Variants in PCDH11X observed in about 807,000 individuals in gnomAD.
PCDH11X encodes the protein protocadherin 11 X-linked.
In PCDH11X, 18 loss-of-function variants were observed where a neutral mutation model predicts 53.3. The ratio of observed to expected loss-of-function variants is 0.34; its 90% CI spans 0.23 to 0.50. PCDH11X has a LOEUF of 0.50. Among genes scored for constraint, PCDH11X ranks in the 20% least tolerant of loss-of-function variants. The probability of loss-of-function intolerance (pLI) is 0.98; values close to 1 mark genes in which losing one functional copy is unlikely to be tolerated. For missense variants in PCDH11X, 570 were observed against 1,032.4 expected, an observed-to-expected ratio of 0.55 and a Z score of 6.14; for synonymous variants, 279 against 393.3, an observed-to-expected ratio of 0.71 and a Z score of 3.44.
intron 8 of PCDH11X, among the ~76,000 whole-genome samples, chrX:92,301,079 A>G (rs2068711475): frequency 9.0e-6 from 1 of 110,744 alleles, no homozygotes; most frequent in South Asian, 3.8e-4. Flanking sequence ...CTTGCTGGCA[A>G]AGAGACATAA....
intron 7 of PCDH11X, among the ~76,000 whole-genome samples, chrX:92,203,400 T>A (rs1318684034): frequency 8.9e-6 from 1 of 112,679 alleles, no homozygotes; most frequent in African/African-American, 3.2e-5. Flanking sequence ...AGTTTCAGAA[T>A]TGATTCATGC....
intron 6 of PCDH11X, among the ~76,000 whole-genome samples, chrX:92,138,716 A>C (rs2065124908): frequency 9.0e-6 from 1 of 111,346 alleles, no homozygotes; most frequent in African/African-American, 3.2e-5. Context: ...ATATAGTCAT[A>C]ATGTACAATG....
intron 10 of PCDH11X, among the ~76,000 whole-genome samples, chrX:92,506,860 T>C (rs1340037049): frequency 9.1e-6 from 1 of 110,424 alleles, no homozygotes; most frequent in African/African-American, 3.3e-5. Flanking sequence ...TTCTGTTTGT[T>C]AGGCTTTTCA....
intron 7 of PCDH11X, among the ~76,000 whole-genome samples, chrX:92,240,594 A>G (rs997670164): frequency 2.7e-4 from 30 of 111,976 alleles, no homozygotes; most frequent in African/African-American, 9.1e-4. Flanking sequence ...GCCTGAAACA[A>G]CACACTATCT....
chrX:92,585,510 T>C (rs185113490), intron 10 of PCDH11X, among the ~76,000 whole-genome samples: 25 of 108,398 alleles, frequency 2.3e-4, no homozygotes, highest in African/African-American at 8.1e-4. Flanking sequence ...TAGCTGGGAC[T>C]ACAGTGCCCA....
chrX:92,164,482 A>T (rs1485150343), intron 6 of PCDH11X, among the ~76,000 whole-genome samples: 1 of 112,251 alleles, frequency 8.9e-6, no homozygotes, highest in Non-Finnish European at 1.9e-5. Context: ...GTATGGCAGG[A>T]ATAACATGTA....
intron 6 of PCDH11X, among the ~76,000 whole-genome samples, chrX:92,002,970 A>G (rs1474664458): frequency 5.4e-5 from 5 of 93,413 alleles, no homozygotes; most frequent in African/African-American, 1.9e-4. Flanking sequence ...CATGTTCCAG[A>G]TGTTAGAGGA....
At chrX:92,167,175 G>C (rs1397835117) in intron 6 of PCDH11X, among the ~76,000 whole-genome samples, 2 of 110,335 alleles carry the variant, frequency 1.8e-5, no homozygotes, top group Non-Finnish European at 3.8e-5. Context: ...AATCTTTAAA[G>C]TATATTTTTA....
intron 6 of PCDH11X, among the ~76,000 whole-genome samples, chrX:92,011,258 A>G (rs1295801205): frequency 6.3e-5 from 7 of 111,812 alleles, no homozygotes; most frequent in South Asian, 7.5e-4. Context: ...GGATTGCTGG[A>G]TTGAATGGTA....
At chrX:92,361,458 C>T (rs753273949) in intron 8 of PCDH11X, among the ~76,000 whole-genome samples, 11 of 111,508 alleles carry the variant, frequency 9.9e-5, no homozygotes, top group Admixed American at 1.9e-4. Flanking sequence ...TAACTTCTTG[C>T]AACTAAGAAT....
chrX:92,607,836 G>A (rs1043178840), intron 10 of PCDH11X, among the ~76,000 whole-genome samples: 3 of 111,169 alleles, frequency 2.7e-5, no homozygotes, highest in Admixed American at 1.9e-4. Flanking sequence ...GTGTGTTCAC[G>A]TATTTTCATG....
rs201273602 is a variant in PCDH11X, at chrX:92,496,028, C to A, written c.3367+27706C>A. Among the ~76,000 whole-genome samples the A allele has an allele frequency of 4.6e-4, 46 of 100,330 alleles. No individual in the cohort carries two copies. The East Asian group carries it at 5.4e-3, about 12-fold the overall frequency. 87.1% of individuals were successfully genotyped at this position (100,330 alleles called of 115,157 possible). ...ATTCCTAGAAATTTTTTCATTTTCC[C>A]AGTACCTACTGCATTGACTACCATT... On this transcript the variant is annotated intron_variant, in intron 10 of 10. Transcript: ENST00000682573.
intron 6 of PCDH11X, among the ~76,000 whole-genome samples, chrX:91,961,510 T>C (rs2061787320): frequency 9.0e-6 from 1 of 110,770 alleles, no homozygotes; most frequent in South Asian, 3.8e-4. Flanking sequence ...AGAAGTAAAA[T>C]TGTCTCTATT....
rs1420674379 is a variant in PCDH11X, at chrX:92,026,813, G to A, written c.3033+147540G>A. 9.6e-4 allele frequency among the ~76,000 whole-genome samples: 78 copies of A among 81,518 alleles called. 1 individual carries two copies. The highest frequency in any genetic ancestry group is 3.6e-3 in the African/African-American group (74 of 20,643). 70.8% of individuals were successfully genotyped at this position (81,518 alleles called of 115,157 possible). On this transcript the variant is annotated intron_variant, in intron 6 of 10. Coordinates refer to ENST00000682573, the MANE Select transcript of PCDH11X (RefSeq NM_032968.5). ...AGATGAACATAGTTATTACCTGGGG[G>A]TTCTATTCCCTGTTCCCTGATTAGA...
chrX:92,006,424 A>T (rs1214462015), intron 6 of PCDH11X, among the ~76,000 whole-genome samples: 2 of 107,396 alleles, frequency 1.9e-5, no homozygotes, highest in Admixed American at 2.0e-4. Flanking sequence ...AGCCAATTGC[A>T]TTGTTCAGCT....
At chrX:92,152,867 G>A (rs916275386) in intron 6 of PCDH11X, among the ~76,000 whole-genome samples, 35 of 109,820 alleles carry the variant, frequency 3.2e-4, no homozygotes, top group Non-Finnish European at 3.4e-4. Context: ...GCGTGATCTC[G>A]GCTCAGTGCA....
At chrX:91,903,082 C>T (rs1460551698) in intron 6 of PCDH11X, among the ~76,000 whole-genome samples, 42 of 111,342 alleles carry the variant, frequency 3.8e-4, no homozygotes, top group African/African-American at 1.4e-3. Context: ...ATATGTCACA[C>T]AAATACTATT....
chrX:92,583,103 ATT>A (rs762321411), intron 10 of PCDH11X, among the ~76,000 whole-genome samples: 42 of 77,654 alleles, frequency 5.4e-4, no homozygotes, highest in African/African-American at 9.7e-4. Flanking sequence ...TGGACTGTGG[ATT>A]TTTTTTTTTT....
At chrX:92,073,109 C>T (rs1348427976) in intron 6 of PCDH11X, among the ~76,000 whole-genome samples, 1 of 111,284 alleles carries the variant, frequency 9.0e-6, no homozygotes, top group Admixed American at 9.6e-5. Context: ...CTCCCAGTCA[C>T]TGCTCTCTGT....
Sources: gnomAD v4.1 joint callset for allele counts (sites outside exome capture counted in the v4.1 genomes callset) on GRCh38, gnomAD v4.1.1 for gene constraint, MANE v1.5 for transcripts, NCBI Gene and HGNC (gene_info 2026-07-23, HGNC 2026-07-21) for gene names.